The following ADAM23 variants were observed in gnomAD, a reference collection of about 807,000 sequenced individuals.
The protein encoded by ADAM23 is disintegrin and metalloproteinase domain-containing protein 23.
Under a neutral mutation model 120.1 loss-of-function variants are expected in ADAM23, and 33 were observed. The observed-to-expected ratio is 0.27, with a 90% CI of 0.21 to 0.37. The LOEUF (loss-of-function observed/expected upper bound fraction) is 0.37. ADAM23 is among the 10% of genes least tolerant of loss of function. The pLI is 1.00. For synonymous variants in ADAM23, 367 were observed against 375.2 expected (o/e 0.98, Z 0.25); for missense variants, 862 against 1,058.2 (o/e 0.81, Z 2.57).
At chr2:206,449,782 C>G (rs904506186) in intron 2 of ADAM23, among the ~76,000 whole-genome samples, 1 of 151,980 alleles carries the variant, frequency 6.6e-6, no homozygotes, top group Non-Finnish European at 1.5e-5. Flanking sequence ...AAACAAAAAA[C>G]CCCCCTAAAA....
At chr2:206,541,970 AT>A in intron 4 of ADAM23, 81 bp from the exon 5 acceptor site, 1 of 1,407,192 alleles carries the variant, frequency 7.1e-7, no homozygotes, top group Non-Finnish European at 1.0e-6. Flanking sequence ...CCATCCTTGC[AT>A]TTCTTTTTGC....
At chr2:206,519,144 G>T (rs753193429) in intron 3 of ADAM23, among the ~76,000 whole-genome samples, 4 of 152,100 alleles carry the variant, frequency 2.6e-5, no homozygotes, top group South Asian at 4.1e-4. Flanking sequence ...GCTCCTGGGT[G>T]CCTGTTTAGT....
At chr2:206,600,211 A>C (rs532243946) in intron 24 of ADAM23, among the ~76,000 whole-genome samples, 1 of 152,250 alleles carries the variant, frequency 6.6e-6, no homozygotes, top group Admixed American at 6.5e-5. Flanking sequence ...CAGGAAAAAA[A>C]ACCAAAAACT....
At chr2:206,491,023 A>G (rs1199891877) in intron 3 of ADAM23, among the ~76,000 whole-genome samples, 3 of 152,338 alleles carry the variant, frequency 2.0e-5, no homozygotes, top group African/African-American at 4.8e-5. Context: ...ACAATTAAAC[A>G]TAACAAGATT....
chr2:206,587,226 A>G, intron 18 of ADAM23, 99 bp from the exon 19 acceptor site: 1 of 783,606 alleles, frequency 1.3e-6, no homozygotes, highest in East Asian at 2.7e-5. Context: ...CAATGTTTCT[A>G]GTTATATATA....
In ADAM23 at chr2:206,561,085, G is replaced by A. The variant is rs573353733; in HGVS notation, c.1170-43G>A. The A allele has an allele frequency of 5.8e-6, 9 of 1,551,090 alleles. No individual in the cohort carries two copies. In the African/African-American group the frequency reaches 1.1e-4, roughly 19 times the overall value. ...ATATTTTGGGAGAGTATGAAATGAT[G>A]GTCCACCACGTTGGTTTTCTGATAG... is the stretch of plus-strand genomic sequence containing the variant. On this transcript the variant is annotated intron_variant, in intron 11 of 25. Transcript: ENST00000264377.
intron 3 of ADAM23, among the ~76,000 whole-genome samples, chr2:206,510,681 G>A (rs1240804466): frequency 6.6e-6 from 1 of 152,196 alleles, no homozygotes; most frequent in Non-Finnish European, 1.5e-5. Flanking sequence ...GTTGGGAAGT[G>A]TTTGAAGAAT....
chr2:206,600,741 G>A (rs1363382179), intron 24 of ADAM23, among the ~76,000 whole-genome samples: 2 of 151,976 alleles, frequency 1.3e-5, no homozygotes, highest in Admixed American at 6.6e-5. Flanking sequence ...TACTACAGTT[G>A]TCCACTATGG....
intron 4 of ADAM23, among the ~76,000 whole-genome samples, chr2:206,538,557 A>C (rs1279644473): frequency 6.6e-6 from 1 of 152,222 alleles, no homozygotes; most frequent in African/African-American, 2.4e-5. Context: ...GACCTGCAGG[A>C]ATAGATTGAA....
chr2:206,567,154 G>A (rs1202680680), intron 14 of ADAM23, 69 bp from the exon 15 acceptor site: 1 of 1,233,536 alleles, frequency 8.1e-7, no homozygotes, highest in South Asian at 1.3e-5. Context: ...TAATTTAGGG[G>A]TTTTAATTTT....
At chr2:206,535,456 G>A (rs1302603546) in intron 4 of ADAM23, among the ~76,000 whole-genome samples, 1 of 152,134 alleles carries the variant, frequency 6.6e-6, no homozygotes, top group African/African-American at 2.4e-5. Context: ...CTACTCCTAG[G>A]CATATACTCA....
chr2:206,551,136 C>G (rs769968390), intron 9 of ADAM23, among the ~76,000 whole-genome samples: 6 of 152,188 alleles, frequency 3.9e-5, no homozygotes, highest in Non-Finnish European at 5.9e-5. Context: ...AGGCTATATA[C>G]TAGTACACCC....
At chr2:206,475,083 C>G (rs7584096) in intron 2 of ADAM23, among the ~76,000 whole-genome samples, 11,982 of 152,184 alleles carry the variant, frequency 0.079, 514 homozygotes, top group Middle Eastern at 0.12. Flanking sequence ...TAGTTAATCT[C>G]TCTCTGCCCT....
At position 206,567,292 on chromosome 2, in the gene ADAM23, T is replaced by A. The variant is rs752115059; in HGVS notation, c.1464T>A (p.Gly488=). ...ATAGAGACTTTTTACAGAGAGGAGG[T>A]GGAGCCTGCCTTTTCAACAGGCCAA... ...LEYRDFLQRG[G]GACLFNRPTK... is the part of the protein sequence containing the mutation. Residue 488 remains glycine (G), a synonymous_variant, in exon 15 of 26, where the codon GGT becomes GGA. Transcript: ENST00000264377. The A allele has an allele frequency of 6.2e-7, 1 of 1,613,760 alleles. No individual in the cohort carries two copies. Among genetic ancestry groups the A allele is most frequent in the Non-Finnish European group, 8.5e-7 (1 of 1,179,872 alleles).
At chr2:206,445,267 G>A (rs1437389624) in intron 1 of ADAM23, 40 bp from the exon 2 acceptor site, 6 of 1,437,876 alleles carry the variant, frequency 4.2e-6, no homozygotes, top group Middle Eastern at 1.7e-4. Context: ...GTTTGTGTAT[G>A]TTTGTATTTT....
In ADAM23 at chr2:206,492,692, A is replaced by G. The variant is rs78693015; in HGVS notation, c.509+11384A>G. Among the ~76,000 whole-genome samples the G allele has an allele frequency of 9.4e-3, 1,423 of 152,180 alleles. 23 individuals are homozygous for G. Among genetic ancestry groups the G allele is most frequent in the African/African-American group, 0.033 (1,351 of 41,502 alleles). ...CTCCCAAAGCCTTTATTGTAAGGGC[A>G]TTAATCTCATTGATCATCTCATTAA... On this transcript the variant is annotated intron_variant, in intron 3 of 25. Transcript: ENST00000264377.
intron 3 of ADAM23, among the ~76,000 whole-genome samples, chr2:206,529,914 C>T (rs559327724): frequency 4.6e-5 from 7 of 151,946 alleles, no homozygotes; most frequent in Non-Finnish European, 7.4e-5. Context: ...TGAGTTCAAG[C>T]GATTCTTCTG....
chr2:206,484,007 GA>G (rs1289451050), intron 3 of ADAM23, among the ~76,000 whole-genome samples: 3 of 152,226 alleles, frequency 2.0e-5, no homozygotes, highest in African/African-American at 7.2e-5. Flanking sequence ...GGTGGACTGA[GA>G]GACGGAGCTG....
chr2:206,571,280 C>A (rs1337824707), intron 16 of ADAM23, among the ~76,000 whole-genome samples: 4 of 151,110 alleles, frequency 2.6e-5, no homozygotes, highest in Admixed American at 1.3e-4. Flanking sequence ...TAGAGACCAT[C>A]CTGGCTAACA....
Sources: gnomAD v4.1 joint callset for allele counts (sites outside exome capture counted in the v4.1 genomes callset) on GRCh38, gnomAD v4.1.1 for gene constraint, MANE v1.5 for transcripts, NCBI Gene and HGNC (gene_info 2026-07-23, HGNC 2026-07-21) for gene names.